Variants in FHOD3 observed in about 807,000 individuals in gnomAD.
The protein encoded by FHOD3 is FH1/FH2 domain-containing protein 3.
Under a neutral mutation model 173.0 loss-of-function variants are expected in FHOD3, and 90 were observed. The ratio of observed to expected loss-of-function variants is 0.52; its 90% CI spans 0.44 to 0.62. The LOEUF (loss-of-function observed/expected upper bound fraction) is 0.62, where lower values mean the gene tolerates loss of function less well. FHOD3 is among the 20% of genes least tolerant of loss of function. The pLI, the probability that FHOD3 is intolerant of heterozygous loss-of-function variation, is 0.00. For missense variants in FHOD3, 1,945 were observed against 2,034.7 expected (o/e 0.96, Z 0.85); for synonymous variants, 828 against 823.0 (o/e 1.01, Z -0.10).
At chr18:36,759,062 C>T (rs530847217) in intron 25 of FHOD3, 56 bp from the exon 26 acceptor site, 1 of 1,527,758 alleles carries the variant, frequency 6.5e-7, no homozygotes, top group African/African-American at 1.4e-5. Flanking sequence ...ACTTCTGTGC[C>T]TTCTAAGAAT....
intron 18 of FHOD3, among the ~76,000 whole-genome samples, chr18:36,716,858 T>C (rs2040477381): frequency 6.6e-6 from 1 of 151,744 alleles, no homozygotes; most frequent in Non-Finnish European, 1.5e-5. Flanking sequence ...GCTAGAGGGA[T>C]GAGTGGGGCC....
intron 1 of FHOD3, among the ~76,000 whole-genome samples, chr18:36,306,681 T>G (rs906066608): frequency 6.6e-6 from 1 of 152,180 alleles, no homozygotes; most frequent in Admixed American, 6.5e-5. Context: ...CAGAGTTTTT[T>G]GTTTTGTTTT....
In FHOD3 at chr18:36,462,600, G is replaced by T. The variant is rs148165750; in HGVS notation, c.338-39332G>T. On this transcript the variant is annotated intron_variant, in intron 3 of 28. Transcript: ENST00000590592. Reference sequence around the variant, plus strand: ...CTGCCTCGGCATCCCAAAGTGCTAGGATTACAGGCTGTTTGTTTGTTTTTT... The same window carrying T: ...CTGCCTCGGCATCCCAAAGTGCTAGTATTACAGGCTGTTTGTTTGTTTTTT... Among the ~76,000 whole-genome samples the T allele has an allele frequency of 6.0e-3, 902 of 150,690 alleles. 4 individuals carry two copies. The highest frequency in any genetic ancestry group is 0.021 in the African/African-American group (873 of 40,664).
At chr18:36,589,448 G>T (rs1432673590) in intron 6 of FHOD3, among the ~76,000 whole-genome samples, 1 of 152,160 alleles carries the variant, frequency 6.6e-6, no homozygotes, top group Non-Finnish European at 1.5e-5. Flanking sequence ...CCATCACATG[G>T]TTCTTTTGCT....
intron 6 of FHOD3, among the ~76,000 whole-genome samples, chr18:36,594,001 C>G (rs1159488192): frequency 6.6e-6 from 1 of 152,162 alleles, no homozygotes; most frequent in African/African-American, 2.4e-5. Flanking sequence ...AAATTGTGGG[C>G]AAGTCCCTGC....
chr18:36,340,699 C>T (rs1005283946), intron 1 of FHOD3, among the ~76,000 whole-genome samples: 4 of 151,296 alleles, frequency 2.6e-5, no homozygotes, highest in African/African-American at 4.9e-5. Context: ...TGCAGTGTCA[C>T]GATCTCGGCT....
chr18:36,673,733 G>A (rs1197474254), intron 14 of FHOD3, among the ~76,000 whole-genome samples: 2 of 152,174 alleles, frequency 1.3e-5, no homozygotes, highest in Non-Finnish European at 2.9e-5. Context: ...GGTGGGGAGT[G>A]AGTAGCCACA....
intron 17 of FHOD3, among the ~76,000 whole-genome samples, chr18:36,693,885 A>G (rs1213710085): frequency 1.3e-5 from 2 of 152,230 alleles, no homozygotes; most frequent in South Asian, 2.1e-4. Flanking sequence ...AATAGAAGGT[A>G]AATATGGAAG....
At chr18:36,626,041 CTG>C (rs1207608213) in intron 10 of FHOD3, among the ~76,000 whole-genome samples, 1 of 152,146 alleles carries the variant, frequency 6.6e-6, no homozygotes, top group Non-Finnish European at 1.5e-5. Flanking sequence ...TTCAGAAAAG[CTG>C]TGTTTTATCA....
At chr18:36,769,797 G>C (rs543125386) in intron 28 of FHOD3, among the ~76,000 whole-genome samples, 1 of 152,102 alleles carries the variant, frequency 6.6e-6, no homozygotes, top group Non-Finnish European at 1.5e-5. Context: ...CTGTGTTTCT[G>C]CCCTGCACCC....
chr18:36,746,647 T>C (rs1042019798), intron 23 of FHOD3, among the ~76,000 whole-genome samples: 6 of 152,320 alleles, frequency 3.9e-5, no homozygotes, highest in South Asian at 2.1e-4. Context: ...CATCTTGTAC[T>C]AGGGTTCCTT....
At chr18:36,675,881 G>A (rs1201849212) in intron 14 of FHOD3, among the ~76,000 whole-genome samples, 3 of 152,148 alleles carry the variant, frequency 2.0e-5, no homozygotes, top group African/African-American at 7.2e-5. Flanking sequence ...TCATTCTCCT[G>A]TATAAACTAC....
At chr18:36,408,019 G>T (rs1370914412) in intron 3 of FHOD3, among the ~76,000 whole-genome samples, 1 of 152,172 alleles carries the variant, frequency 6.6e-6, no homozygotes, top group Admixed American at 6.5e-5. Flanking sequence ...GCTCAGGAGC[G>T]TGTGGCCTTG....
chr18:36,492,136 T>C (rs977235127), intron 3 of FHOD3, among the ~76,000 whole-genome samples: 3 of 152,216 alleles, frequency 2.0e-5, no homozygotes, highest in African/African-American at 7.2e-5. Flanking sequence ...GTCCTCCACG[T>C]GGTCTTAAAA....
At chr18:36,445,703 AG>A (rs1268218336) in intron 3 of FHOD3, among the ~76,000 whole-genome samples, 1 of 152,216 alleles carries the variant, frequency 6.6e-6, no homozygotes. Context: ...GGACTGGCTA[AG>A]GGTAGGATTA....
chr18:36,634,321 G>A (rs1434181312), intron 10 of FHOD3, among the ~76,000 whole-genome samples: 1 of 152,108 alleles, frequency 6.6e-6, no homozygotes, highest in Non-Finnish European at 1.5e-5. Context: ...GCCTACTTAT[G>A]GAACTGTGCT....
At chr18:36,765,066 G>A (rs1028374644) in intron 27 of FHOD3, among the ~76,000 whole-genome samples, 1 of 152,158 alleles carries the variant, frequency 6.6e-6, no homozygotes, top group Non-Finnish European at 1.5e-5. Context: ...AAATTGAGAG[G>A]AGGCTAAAAT....
chr18:36,776,478 C>T (rs2043663136), intron 28 of FHOD3, among the ~76,000 whole-genome samples: 1 of 152,156 alleles, frequency 6.6e-6, no homozygotes, highest in Non-Finnish European at 1.5e-5. Context: ...TTCACGTGGT[C>T]TTTCAAGTGG....
At chr18:36,302,532 C>T (rs1017673806) in intron 1 of FHOD3, among the ~76,000 whole-genome samples, 3 of 152,196 alleles carry the variant, frequency 2.0e-5, no homozygotes, top group Non-Finnish European at 4.4e-5. Context: ...CACTGTCTCC[C>T]CTGTTCTCAG....
Sources: gnomAD v4.1 joint callset for allele counts (sites outside exome capture counted in the v4.1 genomes callset) on GRCh38, gnomAD v4.1.1 for gene constraint, MANE v1.5 for transcripts, NCBI Gene and HGNC (gene_info 2026-07-23, HGNC 2026-07-21) for gene names.